RNF115: variants seen among roughly 807,000 people sequenced by gnomAD.
The protein encoded by RNF115 is ring finger protein 115.
In RNF115, 31 loss-of-function variants were observed where a neutral mutation model predicts 39.2. That is an observed-to-expected ratio of 0.79 (90% CI 0.59 to 1.07). RNF115 has a LOEUF of 1.07. Ranked by LOEUF, RNF115 falls within the 50% of genes least tolerant of loss-of-function variation. The pLI is 0.00. For missense variants in RNF115, 384 were observed against 381.7 expected (o/e 1.01, Z -0.05); for synonymous variants, 124 against 131.0 (o/e 0.95, Z 0.37).
At chr1:145,773,148 G>A (rs1647716973) in intron 3 of RNF115, 4 of 152,054 alleles carry the variant, frequency 2.6e-5, no homozygotes, top group African/African-American at 4.8e-5. Context: ...TTAGCTCTTT[G>A]AGTATACTTA....
At chr1:145,803,624 G>C (rs1476096726) in intron 1 of RNF115, among the ~76,000 whole-genome samples, 1 of 152,198 alleles carries the variant, frequency 6.6e-6, no homozygotes, top group East Asian at 1.9e-4. Context: ...CTGACCTCAA[G>C]TGATCCACCT....
At chr1:145,766,489 T>C (rs369836081) in intron 4 of RNF115, among the ~76,000 whole-genome samples, 12 of 151,900 alleles carry the variant, frequency 7.9e-5, no homozygotes, top group East Asian at 1.9e-4. Context: ...CATCATGGCC[T>C]GTTCCCAATG....
intron 1 of RNF115, among the ~76,000 whole-genome samples, chr1:145,809,027 C>T (rs1553722069): frequency 6.6e-6 from 1 of 152,126 alleles, no homozygotes; most frequent in Non-Finnish European, 1.5e-5. Flanking sequence ...TGGGATGACT[C>T]CTCTTCTTAT....
At chr1:145,811,944 C>CAT (rs1359989827) in intron 1 of RNF115, among the ~76,000 whole-genome samples, 1 of 113,422 alleles carries the variant, frequency 8.8e-6, no homozygotes, top group Non-Finnish European at 1.9e-5. Context: ...CACACACACA[C>CAT]ATATATGTAG....
intron 6 of RNF115, among the ~76,000 whole-genome samples, chr1:145,751,099 AT>A (rs1658070334): frequency 6.6e-6 from 1 of 152,226 alleles, no homozygotes; most frequent in African/African-American, 2.4e-5. Flanking sequence ...CTGCTTCAAC[AT>A]GTGAGGAAAC....
At chr1:145,771,657 A>G (rs1436729555) in intron 4 of RNF115, 54 bp downstream of exon 4, 2 of 1,403,574 alleles carry the variant, frequency 1.4e-6, no homozygotes, top group Admixed American at 3.5e-5. Context: ...AGATTATACC[A>G]ATTTGTCCTT....
At chr1:145,756,000 G>A (rs1024459595) in intron 4 of RNF115, among the ~76,000 whole-genome samples, 3 of 152,088 alleles carry the variant, frequency 2.0e-5, no homozygotes, top group Admixed American at 6.6e-5. Flanking sequence ...AGGAAGAACA[G>A]TTAAACAAAA....
intron 1 of RNF115, among the ~76,000 whole-genome samples, chr1:145,808,070 T>C (rs587613968): frequency 9.1e-5 from 13 of 143,244 alleles, no homozygotes; most frequent in South Asian, 2.3e-4. Flanking sequence ...TATATATATA[T>C]ACCACATTTT....
At chr1:145,803,416 G>A (rs1553721162) in intron 1 of RNF115, among the ~76,000 whole-genome samples, 2 of 152,112 alleles carry the variant, frequency 1.3e-5, no homozygotes, top group Non-Finnish European at 2.9e-5. Flanking sequence ...TTGAGACTGA[G>A]TCTCACTCTG....
At chr1:145,802,345 T>C (rs1649287732) in intron 1 of RNF115, among the ~76,000 whole-genome samples, 1 of 152,142 alleles carries the variant, frequency 6.6e-6, no homozygotes. Flanking sequence ...CACAAAGCAC[T>C]AGAAATATAG....
chr1:145,820,635 C>T (rs2101617886), intron 1 of RNF115, among the ~76,000 whole-genome samples: 1 of 152,168 alleles, frequency 6.6e-6, no homozygotes, highest in East Asian at 1.9e-4. Context: ...ACTTGGGAGG[C>T]CGAGGCAGGA....
intron 7 of RNF115, 43 bp from the exon 8 acceptor site, chr1:145,748,153 G>A: frequency 1.4e-6 from 2 of 1,429,646 alleles, no homozygotes; most frequent in Non-Finnish European, 2.0e-6. Context: ...CAGGCAAAAG[G>A]AAAGAAGAAA....
chr1:145,768,244 C>A (rs1571730302), intron 4 of RNF115, among the ~76,000 whole-genome samples: 1 of 152,366 alleles, frequency 6.6e-6, no homozygotes, highest in East Asian at 1.9e-4. Context: ...GGCCTCCAGG[C>A]CAGCGCCCAC....
chr1:145,762,667 AT>A (rs1205257853), intron 4 of RNF115, among the ~76,000 whole-genome samples: 1 of 151,566 alleles, frequency 6.6e-6, no homozygotes, highest in Non-Finnish European at 1.5e-5. Flanking sequence ...ACCAAAACAA[AT>A]TTTTTTTAAT....
In RNF115 at chr1:145,823,927, G is replaced by A. The variant is rs1203931725; in HGVS notation, c.-54C>T. The A allele has an allele frequency of 4.6e-6, 6 of 1,304,460 alleles. No homozygotes were observed. Among genetic ancestry groups the A allele is most frequent in the Non-Finnish European group, 6.1e-6 (6 of 982,178 alleles). The allele number at this position is 1,304,460 out of a possible 1,614,324, so 80.8% of individuals were successfully genotyped here. ...GGGCAGCCGGCCCGTCCCTCGCCAGGCCGCTACCTCCCGAGCTGCAGTCGT... is the reference window on the plus strand; with the variant it reads ...GGGCAGCCGGCCCGTCCCTCGCCAGACCGCTACCTCCCGAGCTGCAGTCGT... On this transcript the variant is annotated 5_prime_UTR_variant, in exon 1 of 9. Transcript: ENST00000582693.
At chr1:145,771,673 A>C (rs1315520680) in intron 4 of RNF115, 38 bp downstream of exon 4, 1 of 1,553,510 alleles carries the variant, frequency 6.4e-7, no homozygotes, top group African/African-American at 1.4e-5. Context: ...TCCTTCATTG[A>C]AACTACCTTA....
chr1:145,776,483 G>A (rs1456073539), intron 3 of RNF115, among the ~76,000 whole-genome samples: 6 of 151,882 alleles, frequency 4.0e-5, no homozygotes, highest in African/African-American at 1.5e-4. Context: ...TTTTTTTAAA[G>A]TTTTAAAAAT....
Position 145,787,588 on chromosome 1 carries a change from A to G in RNF115, c.161+1320T>C, listed in dbSNP as rs1553718282. ...CTCCGTCACAAAAAAAAAAAAAAAA[A>G]AAAGAAAAAGATTTTAGGTTGGGCA... On this transcript the variant is annotated intron_variant, in intron 2 of 8. Coordinates refer to ENST00000582693, the MANE Select transcript of RNF115 (RefSeq NM_014455.4). Among the ~76,000 whole-genome samples the G allele has an allele frequency of 6.0e-3, 911 of 150,924 alleles. 11 individuals are homozygous for G. The highest frequency in any genetic ancestry group is 0.021 in the African/African-American group (862 of 41,050).
intron 1 of RNF115, among the ~76,000 whole-genome samples, chr1:145,820,551 C>G (rs1553724256): frequency 6.6e-6 from 1 of 151,826 alleles, no homozygotes; most frequent in East Asian, 2.0e-4. Context: ...TCCTGGCCAA[C>G]ATGGTGAAAC....
Sources: gnomAD v4.1 joint callset for allele counts (sites outside exome capture counted in the v4.1 genomes callset) on GRCh38, gnomAD v4.1.1 for gene constraint, MANE v1.5 for transcripts, NCBI Gene and HGNC (gene_info 2026-07-23, HGNC 2026-07-21) for gene names.